Variants in NEURL1 observed in about 807,000 individuals in gnomAD.
The protein encoded by NEURL1 is E3 ubiquitin-protein ligase NEURL1.
Under a neutral mutation model 41.2 loss-of-function variants are expected in NEURL1, and 26 were observed. The observed-to-expected ratio is 0.63, with a 90% CI of 0.46 to 0.87. The LOEUF (loss-of-function observed/expected upper bound fraction) is 0.87, where lower values mean the gene tolerates loss of function less well. NEURL1 is among the 40% of genes least tolerant of loss of function. The probability of loss-of-function intolerance (pLI) is 0.00; values close to 1 mark genes in which losing one functional copy is unlikely to be tolerated. For missense variants in NEURL1, 761 were observed against 871.1 expected (o/e 0.87, Z 1.59); for synonymous variants, 400 against 402.3 (o/e 0.99, Z 0.07).
rs1248170773 is a variant in NEURL1, at chr10:103,585,145, T to C, written c.1259T>C (p.Met420Thr). 1 of 1,592,678 alleles carries C rather than the reference T, an allele frequency of 6.3e-7. No individual in the cohort carries two copies. The highest frequency in any genetic ancestry group is 2.2e-5 in the East Asian group (1 of 44,502). The change falls in exon 4 of 6, where the codon ATG becomes ACG. Residue 420 changes from methionine to threonine, a missense_variant. Physicochemically the swap from Met to Thr is moderately conservative, Grantham distance 81 (BLOSUM62 -1). Around this residue, in one of 5 missense-constraint regions of NEURL1, gnomAD observed 443 missense variants for 408.1 expected, o/e 1.09. Coordinates refer to ENST00000369780, the MANE Select transcript of NEURL1 (RefSeq NM_004210.5). Reference protein sequence around the residue: ...HLSHNGAAAGMQLCVDASQPL... With the variant: ...HLSHNGAAAGTQLCVDASQPL... ...AGCCACAATGGCGCGGCCGCCGGCA[T>C]GCAGCTGTGCGTGGACGCCTCGCAG...
At chr10:103,553,373 T>C (rs1472730408) in intron 1 of NEURL1, among the ~76,000 whole-genome samples, 1 of 152,116 alleles carries the variant, frequency 6.6e-6, no homozygotes, top group African/African-American at 2.4e-5. Flanking sequence ...CCCGCCCCCA[T>C]GGGAACTGGG....
intron 1 of NEURL1, among the ~76,000 whole-genome samples, chr10:103,497,080 C>T (rs1358820631): frequency 6.6e-6 from 1 of 152,200 alleles, no homozygotes; most frequent in Non-Finnish European, 1.5e-5. Flanking sequence ...TGGCTCTGTC[C>T]TTCACCCAAG....
intron 3 of NEURL1, among the ~76,000 whole-genome samples, chr10:103,582,334 C>T (rs1263145906): frequency 6.6e-6 from 1 of 152,206 alleles, no homozygotes; most frequent in Non-Finnish European, 1.5e-5. Flanking sequence ...GTCTCTCCTA[C>T]CTCCCCCCTG....
At chr10:103,585,321 C>G in intron 4 of NEURL1, 96 bp downstream of exon 4, 2 of 1,128,518 alleles carry the variant, frequency 1.8e-6, no homozygotes, top group Non-Finnish European at 1.2e-6. Context: ...CCTCCAGGCT[C>G]ATGATGGTGT....
intron 1 of NEURL1, among the ~76,000 whole-genome samples, chr10:103,567,669 G>A (rs546720096): frequency 6.6e-6 from 1 of 152,336 alleles, no homozygotes; most frequent in South Asian, 2.1e-4. Flanking sequence ...AAAGTGCTGG[G>A]ATTACAGGTG....
At chr10:103,560,012 T>C (rs1171030064) in intron 1 of NEURL1, among the ~76,000 whole-genome samples, 1 of 151,640 alleles carries the variant, frequency 6.6e-6, no homozygotes, top group Non-Finnish European at 1.5e-5. Flanking sequence ...CACGCACACA[T>C]GCACACATAC....
intron 1 of NEURL1, among the ~76,000 whole-genome samples, chr10:103,551,867 G>C (rs1438179360): frequency 6.6e-6 from 1 of 152,190 alleles, no homozygotes; most frequent in Non-Finnish European, 1.5e-5. Context: ...CCACCTCCCA[G>C]TTCTCTGTTC....
chr10:103,565,044 G>T (rs1454657308), intron 1 of NEURL1, among the ~76,000 whole-genome samples: 1 of 152,182 alleles, frequency 6.6e-6, no homozygotes, highest in African/African-American at 2.4e-5. Flanking sequence ...TAGAAGAGTG[G>T]CGAGGCCTGA....
chr10:103,582,132 G>A (rs2035794525), intron 3 of NEURL1, among the ~76,000 whole-genome samples: 1 of 152,084 alleles, frequency 6.6e-6, no homozygotes, highest in Admixed American at 6.5e-5. Context: ...TGTGTTCCTG[G>A]AGGCTCTGGC....
chr10:103,528,470 G>A (rs1475811993), intron 1 of NEURL1, among the ~76,000 whole-genome samples: 4 of 151,552 alleles, frequency 2.6e-5, no homozygotes, highest in Admixed American at 2.0e-4. Flanking sequence ...GGGAGGCGGA[G>A]GTTGCAGTGA....
At chr10:103,546,503 G>A (rs948836690) in intron 1 of NEURL1, among the ~76,000 whole-genome samples, 14 of 152,162 alleles carry the variant, frequency 9.2e-5, no homozygotes, top group Non-Finnish European at 1.8e-4. Flanking sequence ...GAGAGGCCAC[G>A]TGGCAGAGGG....
At chr10:103,565,006 A>T (rs2035387733) in intron 1 of NEURL1, among the ~76,000 whole-genome samples, 1 of 152,206 alleles carries the variant, frequency 6.6e-6, no homozygotes, top group Non-Finnish European at 1.5e-5. Flanking sequence ...AGTGCTGGGC[A>T]CAGCGCATCG....
At chr10:103,577,971 C>G (rs1320228441) in intron 3 of NEURL1, 1 of 152,200 alleles carries the variant, frequency 6.6e-6, no homozygotes, top group Non-Finnish European at 1.5e-5. Context: ...CCTAGCATCT[C>G]TTGGGCCCAA....
chr10:103,519,500 A>G (rs1329717204), intron 1 of NEURL1, among the ~76,000 whole-genome samples: 1 of 152,192 alleles, frequency 6.6e-6, no homozygotes, highest in African/African-American at 2.4e-5. Context: ...CCAGAAGTGC[A>G]TAATATAACC....
chr10:103,522,216 G>A (rs1433880604), intron 1 of NEURL1, among the ~76,000 whole-genome samples: 2 of 152,142 alleles, frequency 1.3e-5, no homozygotes, highest in Admixed American at 1.3e-4. Flanking sequence ...ATGTTTACGT[G>A]CAGGTCACAG....
intron 1 of NEURL1, among the ~76,000 whole-genome samples, chr10:103,560,999 T>C (rs1031575201): frequency 6.6e-6 from 1 of 152,268 alleles, no homozygotes; most frequent in African/African-American, 2.4e-5. Flanking sequence ...GCTAGGTGCC[T>C]CCGGCTTCAT....
Position 103,558,033 on chromosome 10 carries a change from C to G in NEURL1, c.86-12839C>G. 1 of 214,418 alleles carries G rather than the reference C, an allele frequency of 4.7e-6. No individual in the cohort carries two copies. Among genetic ancestry groups the G allele is most frequent in the Non-Finnish European group, 8.0e-6 (1 of 125,070 alleles). The allele number at this position is 214,418 out of a possible 1,614,324, so 13.3% of individuals were successfully genotyped here. A position where few individuals can be genotyped will look rare whatever the true frequency, so the allele number is the denominator to read the frequency against. On this transcript the variant is annotated intron_variant, in intron 1 of 5. Coordinates refer to ENST00000369780, the MANE Select transcript of NEURL1 (RefSeq NM_004210.5). This position sits in a 1 kb window ranked among gnomAD's most constrained non-coding sequence, Gnocchi z 4.2. ...AGCTGGGATCACAGGCACCCACCAC[C>G]ATGCCCGGCTAATTTTTTGTATTTT...
intron 1 of NEURL1, among the ~76,000 whole-genome samples, chr10:103,520,560 T>C (rs996811145): frequency 2.0e-5 from 3 of 152,220 alleles, no homozygotes; most frequent in Non-Finnish European, 4.4e-5. Context: ...TTTGTGATTC[T>C]TCACTTGCTT....
chr10:103,539,932 G>A (rs1592207437), intron 1 of NEURL1, among the ~76,000 whole-genome samples: 1 of 152,188 alleles, frequency 6.6e-6, no homozygotes, highest in South Asian at 2.1e-4. Flanking sequence ...GCTGGCTGGA[G>A]CTTCAGCTTC....
Sources: allele counts gnomAD v4.1 joint callset (sites outside exome capture counted in the v4.1 genomes callset), GRCh38; gene constraint gnomAD v4.1.1; regional missense constraint gnomAD v4.1.1; non-coding constraint Gnocchi (gnomAD v3.1); transcripts MANE v1.5; gene names NCBI Gene and HGNC (gene_info 2026-07-23, HGNC 2026-07-21).